MTUS1: variants seen among roughly 807,000 people sequenced by gnomAD.
MTUS1 encodes microtubule associated scaffold protein 1.
Under a neutral mutation model 120.8 loss-of-function variants are expected in MTUS1, and 109 were observed. The observed-to-expected ratio is 0.90, with a 90% CI of 0.77 to 1.06. The LOEUF (loss-of-function observed/expected upper bound fraction) is 1.06. MTUS1 is among the 50% of genes least tolerant of loss of function. The pLI is 0.00. For missense variants in MTUS1, 2,210 were observed against 1,486.3 expected (o/e 1.49, Z -8.01); for synonymous variants, 737 against 550.5 (o/e 1.34, Z -4.74).
At chr8:17,686,275 G>A (rs149938993) in intron 6 of MTUS1, among the ~76,000 whole-genome samples, 13 of 152,140 alleles carry the variant, frequency 8.5e-5, no homozygotes, top group African/African-American at 2.2e-4. Context: ...TTTGGAAAGC[G>A]GATTAGGTGG....
intron 7 of MTUS1, chr8:17,676,291 T>C: frequency 2.8e-6 from 2 of 703,050 alleles, no homozygotes; most frequent in South Asian, 1.5e-5. Flanking sequence ...TTGCTGCACA[T>C]GGAGAATAGA....
intron 3 of MTUS1, among the ~76,000 whole-genome samples, chr8:17,728,235 G>C (rs528640103): frequency 6.6e-6 from 1 of 152,224 alleles, no homozygotes; most frequent in African/African-American, 2.4e-5. Context: ...AACTTGTGTT[G>C]TAGGAAGCTG....
At chr8:17,786,228 C>T (rs2131554326) in intron 1 of MTUS1, among the ~76,000 whole-genome samples, 1 of 152,204 alleles carries the variant, frequency 6.6e-6, no homozygotes, top group African/African-American at 2.4e-5. Context: ...GCCACATCAC[C>T]AACACACGCA....
In MTUS1 at chr8:17,710,629, G is replaced by A. The variant is rs570201918; in HGVS notation, c.2623+2585C>T. The stretch of plus-strand genomic sequence containing the variant: ...CAGCTTCTTCCAAACTCCTATTCAC[G>A]TTGGTGCTCTGACCTCCTCCCATGA... On this transcript the variant is annotated intron_variant, in intron 6 of 14. Coordinates refer to ENST00000693296, the MANE Select transcript of MTUS1 (RefSeq NM_001363059.2). Among the ~76,000 whole-genome samples, 11 of 152,236 alleles carry A rather than the reference G, an allele frequency of 7.2e-5. 1 individual carries two copies. The South Asian group carries it at 1.2e-3, about 17-fold the overall frequency.
At chr8:17,732,289 C>T (rs2046639618) in intron 3 of MTUS1, among the ~76,000 whole-genome samples, 1 of 152,224 alleles carries the variant, frequency 6.6e-6, no homozygotes, top group Non-Finnish European at 1.5e-5. Context: ...TGGTTTATGT[C>T]CACTGGTTGG....
In MTUS1 at chr8:17,775,376, A is replaced by T. The variant is rs2050340963; in HGVS notation, c.-154-19415T>A. Among the ~76,000 whole-genome samples the T allele has an allele frequency of 2.0e-5, 3 of 152,142 alleles. No individual in the cohort carries two copies. The South Asian group carries it at 6.2e-4, about 32-fold the overall frequency. On this transcript the variant is annotated intron_variant, in intron 1 of 14. Transcript: ENST00000693296. ...CTACAGAATAGGAGAAAAATACCGT[A>T]CCACCTCCGGGATCCTGAAACTTCA...
chr8:17,787,676 T>C (rs1193155065), intron 1 of MTUS1, among the ~76,000 whole-genome samples: 4 of 152,246 alleles, frequency 2.6e-5, no homozygotes, highest in Non-Finnish European at 5.9e-5. Context: ...ATCCATCTCA[T>C]AGGGTCGTTT....
intron 2 of MTUS1, 36 bp from the exon 3 acceptor site, chr8:17,743,835 T>C (rs1361814355): frequency 3.2e-6 from 5 of 1,575,280 alleles, no homozygotes; most frequent in African/African-American, 1.4e-5. Context: ...AAACCAAAAC[T>C]AAAATTCTAA....
At chr8:17,795,187 G>T (rs748380986) in intron 1 of MTUS1, among the ~76,000 whole-genome samples, 4 of 152,126 alleles carry the variant, frequency 2.6e-5, no homozygotes, top group Non-Finnish European at 4.4e-5. Flanking sequence ...AAGACTTAAT[G>T]AACACTGTCA....
At chr8:17,704,120 A>T (rs1434704624) in intron 6 of MTUS1, 1 of 152,176 alleles carries the variant, frequency 6.6e-6, no homozygotes, top group Non-Finnish European at 1.5e-5. Flanking sequence ...ACATTGAAAT[A>T]TTGGGGGCGA....
intron 12 of MTUS1, chr8:17,651,609 T>C (rs978481089): frequency 2.0e-5 from 3 of 151,988 alleles, no homozygotes; most frequent in Non-Finnish European, 4.4e-5. Flanking sequence ...TTACCGTCAG[T>C]TTTAAAATTA....
At chr8:17,684,306 T>C in intron 7 of MTUS1, 22 bp downstream of exon 7, 4 of 1,603,276 alleles carry the variant, frequency 2.5e-6, no homozygotes, top group Non-Finnish European at 3.4e-6. Context: ...AGAAAGGCTC[T>C]TTCTAGGATG....
intron 6 of MTUS1, chr8:17,708,678 A>T (rs956206408): frequency 1.3e-5 from 2 of 152,228 alleles, no homozygotes; most frequent in Non-Finnish European, 1.5e-5. Context: ...CAGAAACTTA[A>T]AAGGAAATAA....
At chr8:17,680,059 G>A (rs1299065503) in intron 7 of MTUS1, among the ~76,000 whole-genome samples, 3 of 152,004 alleles carry the variant, frequency 2.0e-5, no homozygotes, top group Non-Finnish European at 4.4e-5. Context: ...GCAAAAACAA[G>A]CATTAAACCG....
intron 7 of MTUS1, among the ~76,000 whole-genome samples, chr8:17,676,929 T>C (rs777490706): frequency 6.6e-6 from 1 of 152,142 alleles, no homozygotes; most frequent in Non-Finnish European, 1.5e-5. Flanking sequence ...AGATCCCATA[T>C]ATTTTTAACT....
chr8:17,766,933 T>C (rs763345314), intron 1 of MTUS1, among the ~76,000 whole-genome samples: 2 of 152,078 alleles, frequency 1.3e-5, no homozygotes, highest in Non-Finnish European at 2.9e-5. Context: ...AAAATTTTAT[T>C]TTCTTCTTTT....
chr8:17,684,491 G>C lies in MTUS1; in HGVS notation c.2675C>G (p.Thr892Arg). ...CTCAGGGGGCAGCGCATCGGGAGCT[G>C]TCTGTGGCTGGATACATAAGCTTCG... Reference protein sequence around the residue: ...NPRSLCIQPQTAPDALPPEKT... With the variant: ...NPRSLCIQPQRAPDALPPEKT... The change falls in exon 7 of 15, where the codon ACA (threonine) becomes AGA (arginine). Residue 892 changes from threonine (T) to arginine (R), a missense_variant. Physicochemically the swap from Thr to Arg is moderately conservative, Grantham distance 71. Coordinates refer to ENST00000693296, the MANE Select transcript of MTUS1 (RefSeq NM_001363059.2). 6.2e-7 allele frequency: 1 copy of C among 1,614,146 alleles called. No individual in the cohort carries two copies. Among genetic ancestry groups the C allele is most frequent in the Middle Eastern group, 1.6e-4 (1 of 6,062 alleles).
chr8:17,744,105 G>C (rs540866751), intron 2 of MTUS1, among the ~76,000 whole-genome samples: 38 of 152,224 alleles, frequency 2.5e-4, no homozygotes, highest in African/African-American at 9.1e-4. Context: ...AGCAAGCCCT[G>C]AAGGAAATTG....
chr8:17,706,708 G>C (rs1209811191), intron 6 of MTUS1, among the ~76,000 whole-genome samples: 1 of 152,164 alleles, frequency 6.6e-6, no homozygotes, highest in Non-Finnish European at 1.5e-5. Flanking sequence ...GAAATTGAAA[G>C]TTGAAAGTGC....
Sources: allele counts gnomAD v4.1 joint callset (sites outside exome capture counted in the v4.1 genomes callset), GRCh38; gene constraint gnomAD v4.1.1; transcripts MANE v1.5; gene names NCBI Gene and HGNC (gene_info 2026-07-23, HGNC 2026-07-21).